The following ZSCAN31 variants were observed in gnomAD, a reference collection of about 807,000 sequenced individuals.
The protein encoded by ZSCAN31 is zinc finger and SCAN domain containing 31, also known as zinc finger and SCAN domain-containing protein 31.
In ZSCAN31, 14 loss-of-function variants were observed where a neutral mutation model predicts 22.5. The ratio of observed to expected loss-of-function variants is 0.62; its 90% CI spans 0.41 to 0.97. ZSCAN31 has a LOEUF of 0.97. ZSCAN31 is among the 50% of genes least tolerant of loss of function. The probability of loss-of-function intolerance (pLI) is 0.00; values close to 1 mark genes in which losing one functional copy is unlikely to be tolerated. For missense variants in ZSCAN31, 424 were observed against 483.4 expected (o/e 0.88, Z 1.15); for synonymous variants, 168 against 169.8 (o/e 0.99, Z 0.08).
rs1210398151 is a variant in ZSCAN31, at chr6:28,325,467, A to AT, written c.*698dup. Reference sequence around the variant, plus strand: ...TATGTTGATGATTCATGTCAAACTCATATTAACTCATGATATCAACATATA... The same window carrying AT: ...TATGTTGATGATTCATGTCAAACTCATTATTAACTCATGATATCAACATATA... On this transcript the variant is annotated 3_prime_UTR_variant, in exon 4 of 4. Coordinates refer to ENST00000344279, the MANE Select transcript of ZSCAN31 (RefSeq NM_030899.5). 2.9e-5 allele frequency: 4 copies of AT among 137,620 alleles called. No homozygotes were observed. Among genetic ancestry groups the AT allele is most frequent in the African/African-American group, 1.2e-4 (4 of 33,342 alleles). 8.5% of individuals were successfully genotyped at this position (137,620 alleles called of 1,614,324 possible).
At chr6:28,343,542 C>CTTTTT (rs34131321) in intron 2 of ZSCAN31, among the ~76,000 whole-genome samples, 66 of 105,852 alleles carry the variant, frequency 6.2e-4, no homozygotes, top group Non-Finnish European at 8.5e-4. Flanking sequence ...TTTTTTCTTT[C>CTTTTT]TTTTTTTTTT....
rs915389977 is a variant in ZSCAN31 at position 28,351,694 on chromosome 6, T to C, written c.-371+2168A>G. On this transcript the variant is annotated intron_variant, in intron 2 of 7. Transcript: ENST00000396838. This position sits in a 1 kb window ranked among gnomAD's most constrained non-coding sequence, Gnocchi z 4.6. The stretch of plus-strand genomic sequence containing the variant: ...CCTCCCTCTTTCCCTCTCTCCTTTC[T>C]TTCCCTCTCCCTCCTTTCTTTGTCT... Among the ~76,000 whole-genome samples, 10 of 151,780 alleles carry C rather than the reference T, an allele frequency of 6.6e-5. No individual in the cohort carries two copies. The highest frequency in any genetic ancestry group is 2.4e-4 in the African/African-American group (10 of 41,288).
intron 2 of ZSCAN31, among the ~76,000 whole-genome samples, chr6:28,328,554 T>C (rs183166521): frequency 2.0e-5 from 3 of 152,348 alleles, no homozygotes; most frequent in East Asian, 3.9e-4. Flanking sequence ...CCCTGAACAA[T>C]TGCTGTTATC....
In ZSCAN31 at chr6:28,326,844, A is replaced by T; in HGVS notation, c.543T>A (p.Ser181Arg). The T allele has an allele frequency of 1.9e-6, 3 of 1,608,738 alleles. No individual in the cohort carries two copies. Among genetic ancestry groups the T allele is most frequent in the Non-Finnish European group, 2.5e-6 (3 of 1,178,494 alleles). Residue 181 changes from serine to arginine, a missense_variant, in exon 4 of 4, where the codon AGT (serine) becomes AGA (arginine). Transcript: ENST00000344279. ...LHQFQEQDGE[S>R]IPENQELASK... ...ATGCCAACTCCTGGTTCTCAGGTAT[A>T]CTTTCACCATCTGGAATAATAAATG...
Position 28,328,623 on chromosome 6 carries a change from T to C in ZSCAN31, c.381+680A>G, listed in dbSNP as rs576132257. 7.9e-5 allele frequency among the ~76,000 whole-genome samples: 12 copies of C among 152,296 alleles called. No homozygotes were observed. The South Asian group carries it at 1.5e-3, about 18-fold the overall frequency. On this transcript the variant is annotated intron_variant, in intron 2 of 3. Transcript: ENST00000344279. The stretch of plus-strand genomic sequence containing the variant: ...TGCTCAAACACACACGCTGTACAAT[T>C]TGTACAGTTAATGCAATTATTACAG...
At chr6:28,342,109 AG>A (rs1338725547) in intron 2 of ZSCAN31, among the ~76,000 whole-genome samples, 1 of 152,226 alleles carries the variant, frequency 6.6e-6, no homozygotes, top group Non-Finnish European at 1.5e-5. Flanking sequence ...CACCATATAA[AG>A]AGTCTCCTTC....
intron 1 of ZSCAN31, among the ~76,000 whole-genome samples, chr6:28,330,772 T>C (rs1277872718): frequency 7.2e-5 from 11 of 152,242 alleles, no homozygotes; most frequent in African/African-American, 2.6e-4. Context: ...ATGAATGCTA[T>C]AATAGAGGCC....
chr6:28,343,176 T>C (rs1197482577), intron 2 of ZSCAN31, among the ~76,000 whole-genome samples: 1 of 152,194 alleles, frequency 6.6e-6, no homozygotes, highest in Non-Finnish European at 1.5e-5. Flanking sequence ...AAAACTGGAA[T>C]GAACATATTT....
Position 28,329,562 on chromosome 6 carries a change from A to T in ZSCAN31, c.122T>A (p.Leu41His), listed in dbSNP as rs1389183763. The T allele has an allele frequency of 6.2e-7, 1 of 1,614,216 alleles. No homozygotes were observed. The highest frequency in any genetic ancestry group is 1.1e-5 in the South Asian group (1 of 91,086). Reference protein sequence around the residue: ...NFSGQEASRQLFRQFCYQETP... With the variant: ...NFSGQEASRQHFRQFCYQETP... Reference sequence around the variant, plus strand: ...CTCTTGGTAACAAAACTGCCTAAAAAGTTGTCGGGAGGCTTCTTGGCCAGA... The same window carrying T: ...CTCTTGGTAACAAAACTGCCTAAAATGTTGTCGGGAGGCTTCTTGGCCAGA... The change falls in exon 2 of 4, where the codon CTT becomes CAT. Residue 41 changes from leucine (L) to histidine (H), a missense_variant. Leu to His is a moderately conservative substitution (Grantham distance 99). Transcript: ENST00000344279.
At chr6:28,343,548 T>C (rs1764509956) in intron 2 of ZSCAN31, among the ~76,000 whole-genome samples, 2 of 141,298 alleles carry the variant, frequency 1.4e-5, no homozygotes, top group South Asian at 2.4e-4. Context: ...CTTTCTTTTT[T>C]TTTTTTTTTT....
Position 28,329,783 on chromosome 6 carries a change from T to C in ZSCAN31, c.-95-5A>G, listed in dbSNP as rs1176875257. On this transcript the variant is annotated splice_region_variant and splice_polypyrimidine_tract_variant and intron_variant, in intron 1 of 3. Coordinates refer to ENST00000344279, the MANE Select transcript of ZSCAN31 (RefSeq NM_030899.5). ...ATCTTCCTTAGGAGAAGACACCTGA[T>C]GATAGAGCATTATATATTAATGGAA... is the stretch of plus-strand genomic sequence containing the variant. 7.2e-7 allele frequency: 1 copy of C among 1,387,596 alleles called. No individual in the cohort carries two copies. The highest frequency in any genetic ancestry group is 1.4e-5 in the African/African-American group (1 of 69,058). The allele number at this position is 1,387,596 out of a possible 1,614,324, so 86.0% of individuals were successfully genotyped here. A position where few individuals can be genotyped will look rare whatever the true frequency, so the allele number is the denominator to read the frequency against.
chr6:28,340,646 A>G (rs1478343566), upstream of ZSCAN31, among the ~76,000 whole-genome samples: 1 of 152,226 alleles, frequency 6.6e-6, no homozygotes, highest in Non-Finnish European at 1.5e-5. Context: ...CAGCATGACA[A>G]CAGACTAAAA....
rs1035012527 is a variant in ZSCAN31, at chr6:28,351,845, T to C, written c.-371+2017A>G. Among the ~76,000 whole-genome samples the C allele has an allele frequency of 6.6e-6, 1 of 152,178 alleles. No homozygotes were observed. Among genetic ancestry groups the C allele is most frequent in the African/African-American group, 2.4e-5 (1 of 41,448 alleles). On this transcript the variant is annotated intron_variant, in intron 2 of 7. Transcript: ENST00000396838. The surrounding 1 kb of genome is among the most constrained non-coding windows in gnomAD (Gnocchi z 4.6). The stretch of plus-strand genomic sequence containing the variant: ...TTAGTTCACTCACAAGTACAAGTAC[T>C]TCAGTGTCAATTTCTTATATACAGG...
intron 2 of ZSCAN31, among the ~76,000 whole-genome samples, chr6:28,346,548 G>A (rs1581701618): frequency 6.6e-6 from 1 of 151,746 alleles, no homozygotes; most frequent in African/African-American, 2.4e-5. Flanking sequence ...GTAGAGACGG[G>A]GTTTCACCAT....
intron 2 of ZSCAN31, among the ~76,000 whole-genome samples, chr6:28,348,048 T>G (rs191028229): frequency 0.051 from 7,813 of 151,930 alleles, 493 homozygotes; most frequent in African/African-American, 0.16. Flanking sequence ...TTGCCATTTT[T>G]TTTCTGTATG....
At chr6:28,343,546 T>C (rs1236051070) in intron 2 of ZSCAN31, among the ~76,000 whole-genome samples, 20 of 139,738 alleles carry the variant, frequency 1.4e-4, no homozygotes, top group East Asian at 4.1e-4. Flanking sequence ...TTCTTTCTTT[T>C]TTTTTTTTTT....
rs1763231106 is a variant in ZSCAN31 at position 28,326,046 on chromosome 6, G to A, written c.*120C>T. ...ACTTGAAAATCTTACTTTCCAAGAC[G>A]GCCCCATTTAGGGGTCTGAGGGTCC... On this transcript the variant is annotated 3_prime_UTR_variant, in exon 4 of 4. Transcript: ENST00000344279. The A allele has an allele frequency of 4.4e-6, 4 of 902,764 alleles. No individual in the cohort carries two copies. Among genetic ancestry groups the A allele is most frequent in the African/African-American group, 1.7e-5 (1 of 60,120 alleles). The allele number at this position is 902,764 out of a possible 1,614,324, so 55.9% of individuals were successfully genotyped here. A position where few individuals can be genotyped will look rare whatever the true frequency, so the allele number is the denominator to read the frequency against.
At chr6:28,352,485 C>T (rs1462363775) in intron 2 of ZSCAN31, among the ~76,000 whole-genome samples, 1 of 151,990 alleles carries the variant, frequency 6.6e-6, no homozygotes, top group Non-Finnish European at 1.5e-5. Flanking sequence ...ACTCCTGACC[C>T]CAGGAAATCT....
upstream of ZSCAN31, among the ~76,000 whole-genome samples, chr6:28,339,582 C>A (rs980137530): frequency 2.6e-5 from 4 of 152,224 alleles, no homozygotes; most frequent in Admixed American, 6.5e-5. Flanking sequence ...GCCACCACGC[C>A]TAGCCTCCAT....
Sources: allele counts gnomAD v4.1 joint callset (sites outside exome capture counted in the v4.1 genomes callset), GRCh38; gene constraint gnomAD v4.1.1; non-coding constraint Gnocchi (gnomAD v3.1); transcripts MANE v1.5; gene names NCBI Gene and HGNC (gene_info 2026-07-23, HGNC 2026-07-21).